HS3ST4: variants seen among roughly 807,000 people sequenced by gnomAD.
HS3ST4 encodes the protein heparan sulfate-glucosamine 3-sulfotransferase 4.
A neutral mutation model predicts 29.2 loss-of-function variants in HS3ST4; 17 were observed. That is an observed-to-expected ratio of 0.58 (90% CI 0.40 to 0.87). HS3ST4 has a LOEUF of 0.87. Ranked by LOEUF, HS3ST4 falls within the 40% of genes least tolerant of loss-of-function variation. The pLI, the probability that HS3ST4 is intolerant of heterozygous loss-of-function variation, is 0.00. For missense variants in HS3ST4, 627 were observed against 634.5 expected (o/e 0.99, Z 0.13); for synonymous variants, 314 against 285.7 (o/e 1.10, Z -1.00).
At chr16:25,841,493 C>G (rs546827818) in intron 1 of HS3ST4, among the ~76,000 whole-genome samples, 2 of 152,250 alleles carry the variant, frequency 1.3e-5, no homozygotes, top group Admixed American at 1.3e-4. Context: ...CCATGTTGCC[C>G]TAGCTGGTCT....
chr16:25,761,487 C>T (rs1315422002), intron 1 of HS3ST4, among the ~76,000 whole-genome samples: 1 of 152,226 alleles, frequency 6.6e-6, no homozygotes, highest in Non-Finnish European at 1.5e-5. Flanking sequence ...CAGTCAACCT[C>T]AGCCTAAACT....
At chr16:25,830,955 A>G (rs973568706) in intron 1 of HS3ST4, among the ~76,000 whole-genome samples, 1 of 152,082 alleles carries the variant, frequency 6.6e-6, no homozygotes, top group Non-Finnish European at 1.5e-5. Flanking sequence ...TCTAAACTCC[A>G]TATTGTGGCC....
chr16:25,763,068 G>A (rs530438196), intron 1 of HS3ST4, among the ~76,000 whole-genome samples: 12 of 151,918 alleles, frequency 7.9e-5, no homozygotes, highest in Non-Finnish European at 1.6e-4. Flanking sequence ...ACCTGATTTT[G>A]ATTATTTCCC....
At chr16:25,731,547 C>T (rs958358113) in intron 1 of HS3ST4, among the ~76,000 whole-genome samples, 1 of 150,750 alleles carries the variant, frequency 6.6e-6, no homozygotes, top group African/African-American at 2.5e-5. Flanking sequence ...TGCTATGTTG[C>T]CCAGGCTCAT....
At position 26,026,966 on chromosome 16, in the gene HS3ST4, T is replaced by C. The variant is rs573260592; in HGVS notation, c.735-108646T>C. Among the ~76,000 whole-genome samples the C allele has an allele frequency of 1.2e-4, 18 of 152,318 alleles. No individual in the cohort carries two copies. The East Asian group carries it at 2.3e-3, about 20-fold the overall frequency. On this transcript the variant is annotated intron_variant, in intron 1 of 1. Transcript: ENST00000331351. Reference sequence around the variant, plus strand: ...TAGGCTAAGCATTTGGAAAATCCCATAGGACTCATGATAGACCTCTGAAGC... The same window carrying C: ...TAGGCTAAGCATTTGGAAAATCCCACAGGACTCATGATAGACCTCTGAAGC...
chr16:25,831,728 T>C (rs1456327402), intron 1 of HS3ST4, among the ~76,000 whole-genome samples: 3 of 152,150 alleles, frequency 2.0e-5, no homozygotes, highest in Admixed American at 6.5e-5. Context: ...TCCTGGCACA[T>C]AGTAGGTGCT....
intron 1 of HS3ST4, among the ~76,000 whole-genome samples, chr16:26,134,319 T>G (rs1219251524): frequency 1.3e-5 from 2 of 151,608 alleles, no homozygotes; most frequent in African/African-American, 4.8e-5. Flanking sequence ...CATTTTCCTC[T>G]CAACTGAATT....
intron 1 of HS3ST4, among the ~76,000 whole-genome samples, chr16:25,766,366 G>T (rs1162168531): frequency 6.6e-6 from 1 of 152,114 alleles, no homozygotes; most frequent in Non-Finnish European, 1.5e-5. Context: ...TTTCTACCCA[G>T]GGACAAATGA....
At chr16:25,765,668 A>G (rs748140070) in intron 1 of HS3ST4, among the ~76,000 whole-genome samples, 2 of 152,156 alleles carry the variant, frequency 1.3e-5, no homozygotes, top group Non-Finnish European at 2.9e-5. Context: ...ATTTGCCGCT[A>G]CCAGTCCCAG....
At chr16:25,789,340 C>T (rs746982223) in intron 1 of HS3ST4, among the ~76,000 whole-genome samples, 2 of 149,592 alleles carry the variant, frequency 1.3e-5, no homozygotes, top group Non-Finnish European at 3.0e-5. Context: ...TTTCTCCTCC[C>T]TCTCCTTCCT....
chr16:25,713,998 A>G (rs1253125766), intron 1 of HS3ST4, among the ~76,000 whole-genome samples: 2 of 151,656 alleles, frequency 1.3e-5, no homozygotes, highest in Non-Finnish European at 1.5e-5. Flanking sequence ...TTCTTTAGAC[A>G]TGTTCCTGTT....
chr16:26,109,876 C>T (rs1457861014), intron 1 of HS3ST4, among the ~76,000 whole-genome samples: 1 of 152,092 alleles, frequency 6.6e-6, no homozygotes, highest in Non-Finnish European at 1.5e-5. Flanking sequence ...ATTAACATAT[C>T]AATCACATCA....
chr16:26,054,373 G>A (rs1348368303), intron 1 of HS3ST4, among the ~76,000 whole-genome samples: 1 of 151,870 alleles, frequency 6.6e-6, no homozygotes, highest in Non-Finnish European at 1.5e-5. Context: ...TTTTTCACAA[G>A]AAAGCCAACT....
At chr16:25,934,902 G>A (rs1241440240) in intron 1 of HS3ST4, among the ~76,000 whole-genome samples, 1 of 152,084 alleles carries the variant, frequency 6.6e-6, no homozygotes, top group Non-Finnish European at 1.5e-5. Context: ...CATATGGTTT[G>A]GCTGTGTCCC....
At chr16:25,796,352 A>G (rs1355908454) in intron 1 of HS3ST4, among the ~76,000 whole-genome samples, 1 of 152,098 alleles carries the variant, frequency 6.6e-6, no homozygotes, top group Non-Finnish European at 1.5e-5. Context: ...AACTCTCTGG[A>G]TGTTTTCAAA....
chr16:26,032,899 G>T, intron 1 of HS3ST4: 2 of 1,079,476 alleles, frequency 1.9e-6, no homozygotes, highest in Non-Finnish European at 1.4e-6. Context: ...GGTCGTTCTC[G>T]CCTCTTCTTC....
intron 1 of HS3ST4, among the ~76,000 whole-genome samples, chr16:25,828,249 T>TG (rs1567249333): frequency 4.6e-5 from 3 of 64,802 alleles, no homozygotes; most frequent in African/African-American, 2.0e-4. Context: ...TTTCTCTTTC[T>TG]TTCTTTCTTT....
chr16:25,754,285 A>G (rs1966741068), intron 1 of HS3ST4, among the ~76,000 whole-genome samples: 1 of 151,930 alleles, frequency 6.6e-6, no homozygotes, highest in Non-Finnish European at 1.5e-5. Context: ...GCCTCCAATC[A>G]CACACTCCAT....
chr16:25,747,944 A>G (rs146279689), intron 1 of HS3ST4, among the ~76,000 whole-genome samples: 6 of 152,300 alleles, frequency 3.9e-5, no homozygotes, highest in Admixed American at 2.0e-4. Context: ...TGTTCTGGCA[A>G]TTGCACCTGT....
Sources: gnomAD v4.1 joint callset for allele counts (sites outside exome capture counted in the v4.1 genomes callset) on GRCh38, gnomAD v4.1.1 for gene constraint, MANE v1.5 for transcripts, NCBI Gene and HGNC (gene_info 2026-07-23, HGNC 2026-07-21) for gene names.